ADH1C: variants seen among roughly 807,000 people sequenced by gnomAD.
ADH1C encodes alcohol dehydrogenase 1C (class I), gamma polypeptide.
A neutral mutation model predicts 35.0 loss-of-function variants in ADH1C; 26 were observed. The ratio of observed to expected loss-of-function variants is 0.74; its 90% CI spans 0.54 to 1.03. ADH1C has a LOEUF of 1.03. Among genes scored for constraint, ADH1C ranks in the 50% least tolerant of loss-of-function variants. The pLI, the probability that ADH1C is intolerant of heterozygous loss-of-function variation, is 0.00. For synonymous variants in ADH1C, 170 were observed against 169.3 expected, an observed-to-expected ratio of 1.00 and a Z score of -0.03; for missense variants, 413 against 465.4, an observed-to-expected ratio of 0.89 and a Z score of 1.04.
At chr4:99,339,160 G>A (rs959012458) in intron 8 of ADH1C, among the ~76,000 whole-genome samples, 2 of 152,062 alleles carry the variant, frequency 1.3e-5, no homozygotes, top group African/African-American at 4.8e-5. Context: ...TGCTGAGGAT[G>A]TCCTGAAAAT....
chr4:99,341,147 A>C (rs946185145), intron 6 of ADH1C, among the ~76,000 whole-genome samples: 1 of 152,240 alleles, frequency 6.6e-6, no homozygotes, highest in Admixed American at 6.5e-5. Context: ...CACCAAAATT[A>C]GTCTCTTGTC....
chr4:99,352,232 A>G (rs1734694078), intron 1 of ADH1C, among the ~76,000 whole-genome samples: 1 of 151,960 alleles, frequency 6.6e-6, no homozygotes, highest in Non-Finnish European at 1.5e-5. Context: ...TTCACAAAAA[A>G]TATGAATACA....
intron 8 of ADH1C, among the ~76,000 whole-genome samples, chr4:99,339,003 G>C (rs1369278434): frequency 6.6e-6 from 1 of 151,808 alleles, no homozygotes; most frequent in Non-Finnish European, 1.5e-5. Flanking sequence ...ATTTAAAATA[G>C]GGTTTAGTAC....
Position 99,345,219 on chromosome 4 carries a change from T to C in ADH1C, c.307A>G (p.Ile103Val), listed in dbSNP as rs546707394. ...LFTPQCGKCR[I>V]CKNPESNYCL... Reference sequence around the variant, plus strand: ...TAGTTGCTTTCTGGGTTTTTACAAATTCTGCATTTTCCACACTGAGGAGTA... The same window carrying C: ...TAGTTGCTTTCTGGGTTTTTACAAACTCTGCATTTTCCACACTGAGGAGTA... Residue 103 changes from isoleucine (I) to valine (V), a missense_variant, in exon 4 of 9, where the codon ATT (isoleucine) becomes GTT (valine). Coordinates refer to ENST00000515683, the MANE Select transcript of ADH1C (RefSeq NM_000669.5). 4.4e-4 allele frequency: 710 copies of C among 1,614,100 alleles called. 13 individuals carry two copies. In the South Asian group the frequency reaches 7.2e-3, roughly 16 times the overall value.
chr4:99,351,673 C>T (rs1051573845), intron 1 of ADH1C, among the ~76,000 whole-genome samples: 2 of 152,178 alleles, frequency 1.3e-5, no homozygotes, highest in Non-Finnish European at 2.9e-5. Flanking sequence ...TCCAACCAGT[C>T]TTATTGACAT....
intron 6 of ADH1C, among the ~76,000 whole-genome samples, chr4:99,341,778 T>G (rs1006906754): frequency 1.3e-5 from 2 of 152,188 alleles, no homozygotes; most frequent in Admixed American, 1.3e-4. Context: ...TATTTGTAAC[T>G]GTTTGAAAGT....
At chr4:99,345,411 A>T in intron 3 of ADH1C, 145 bp from the exon 4 acceptor site, 1 of 898,740 alleles carries the variant, frequency 1.1e-6, no homozygotes, top group South Asian at 1.8e-5. Flanking sequence ...GTCATTTGTC[A>T]TTGCCTGCCA....
rs1734573071 is a variant in ADH1C at position 99,347,820 on chromosome 4, T to C, written c.45A>G (p.Leu15=). ...TGGAAAAGGGTTTCTTTAACTCCCATAGCACAGCTGCTTTGCATTTGATTA... is the reference window on the plus strand; with the variant it reads ...TGGAAAAGGGTTTCTTTAACTCCCACAGCACAGCTGCTTTGCATTTGATTA... ...GKVIKCKAAV[L]WELKKPFSIE... The change falls in exon 2 of 9, where the codon CTA becomes CTG. Residue 15 remains leucine, a synonymous_variant. Coordinates refer to ENST00000515683, the MANE Select transcript of ADH1C (RefSeq NM_000669.5). 3 of 1,613,890 alleles carry C rather than the reference T, an allele frequency of 1.9e-6. No homozygotes were observed. The highest frequency in any genetic ancestry group is 1.7e-4 in the Middle Eastern group (1 of 6,060).
Position 99,336,766 on chromosome 4 carries a change from C to A in ADH1C, c.1114G>T (p.Val372Phe), listed in dbSNP as rs370818269. The A allele has an allele frequency of 6.8e-6, 11 of 1,613,542 alleles. No homozygotes were observed. The highest frequency in any genetic ancestry group is 4.0e-5 in the African/African-American group (3 of 74,892). The change falls in exon 9 of 9, where the codon GTC (valine) becomes TTC (phenylalanine). Residue 372 changes from valine (V) to phenylalanine (F), a missense_variant. Transcript: ENST00000515683. Reference sequence around the variant, plus strand: ...TCTGTATTGTTTCAAAACGTCAGGACGGTACGGATACTGCAATAGGAAAGA... The same window carrying A: ...TCTGTATTGTTTCAAAACGTCAGGAAGGTACGGATACTGCAATAGGAAAGA... ...LLRSGKSIRT[V>F]LTF is the part of the protein sequence containing the mutation.
At chr4:99,350,192 G>A (rs951624189) in intron 1 of ADH1C, among the ~76,000 whole-genome samples, 5 of 152,170 alleles carry the variant, frequency 3.3e-5, no homozygotes, top group African/African-American at 4.8e-5. Flanking sequence ...GTTTCTGATT[G>A]TCAGGTGCCT....
intron 8 of ADH1C, among the ~76,000 whole-genome samples, chr4:99,338,412 T>C (rs1560535456): frequency 1.3e-4 from 5 of 37,934 alleles, no homozygotes; most frequent in African/African-American, 4.5e-4. Flanking sequence ...TATATATATA[T>C]ATATATATAT....
At chr4:99,342,062 T>A (rs1789906) in intron 6 of ADH1C, among the ~76,000 whole-genome samples, 47,412 of 151,784 alleles carry the variant, frequency 0.31, 8,854 homozygotes, top group Non-Finnish European at 0.41. Flanking sequence ...AAAAGGGGGC[T>A]GCTGACATTT....
At position 99,340,643 on chromosome 4, in the gene ADH1C, G is replaced by A. The variant is rs764088804; in HGVS notation, c.896C>T (p.Ser299Phe). ...TSVIVGVPPD[S>F]QNLSINPMLL... ...CATAGGGTTTATTGAGAGGTTCTGG[G>A]AATCAGGAGGTACCCCTACAATGAC... Residue 299 changes from serine (S) to phenylalanine (F), a missense_variant, in exon 7 of 9, where the codon TCC becomes TTC. Ser to Phe is a radical substitution (Grantham distance 155). Coordinates refer to ENST00000515683, the MANE Select transcript of ADH1C (RefSeq NM_000669.5). 1 of 1,613,626 alleles carries A rather than the reference G, an allele frequency of 6.2e-7. No individual in the cohort carries two copies. The highest frequency in any genetic ancestry group is 8.5e-7 in the Non-Finnish European group (1 of 1,180,020).
At chr4:99,348,736 C>G (rs1734602833) in intron 1 of ADH1C, among the ~76,000 whole-genome samples, 2 of 151,532 alleles carry the variant, frequency 1.3e-5, no homozygotes, top group African/African-American at 4.8e-5. Flanking sequence ...AGTTTACAGT[C>G]CCACCAACAG....
Position 99,347,750 on chromosome 4 carries a change from T to G in ADH1C, c.115A>C (p.Ile39Leu), listed in dbSNP as rs770875819. ...VAPPKAHEVR[I>L]KMVAAGICRS... ...AAATGGAAAAAGTATTTCACCTTAA[T>G]GCGAACTTCATGAGCCTTAGGAGGT... Residue 39 changes from isoleucine (I) to leucine (L), a missense_variant, in exon 2 of 9, where the codon ATT (isoleucine) becomes CTT (leucine). Coordinates refer to ENST00000515683, the MANE Select transcript of ADH1C (RefSeq NM_000669.5). 1 of 1,607,538 alleles carries G rather than the reference T, an allele frequency of 6.2e-7. No individual in the cohort carries two copies. Among genetic ancestry groups the G allele is most frequent in the Non-Finnish European group, 8.5e-7 (1 of 1,176,484 alleles).
intron 1 of ADH1C, among the ~76,000 whole-genome samples, chr4:99,349,742 C>T (rs1323359071): frequency 1.3e-5 from 2 of 152,034 alleles, no homozygotes; most frequent in East Asian, 3.9e-4. Flanking sequence ...GCAGAGACTC[C>T]TTCCAGCTTA....
chr4:99,337,203 A>G (rs1241681551), intron 8 of ADH1C, among the ~76,000 whole-genome samples: 2 of 152,092 alleles, frequency 1.3e-5, no homozygotes, highest in Non-Finnish European at 2.9e-5. Flanking sequence ...GTTGGTTTCC[A>G]TATTATTTCC....
At chr4:99,345,467 A>G (rs1326226320) in intron 3 of ADH1C, among the ~76,000 whole-genome samples, 4 of 152,258 alleles carry the variant, frequency 2.6e-5, no homozygotes, top group Admixed American at 1.3e-4. Flanking sequence ...GAAGAATCCT[A>G]AAGAGAAAAT....
intron 1 of ADH1C, among the ~76,000 whole-genome samples, chr4:99,351,596 A>C (rs1384175895): frequency 2.0e-5 from 3 of 152,248 alleles, no homozygotes; most frequent in Non-Finnish European, 2.9e-5. Context: ...ATATTAATCA[A>C]TAATGAATGA....
Sources: gnomAD v4.1 joint callset for allele counts (sites outside exome capture counted in the v4.1 genomes callset) on GRCh38, gnomAD v4.1.1 for gene constraint, MANE v1.5 for transcripts, NCBI Gene and HGNC (gene_info 2026-07-23, HGNC 2026-07-21) for gene names.